Variants in THSD7A observed in about 807,000 individuals in gnomAD.
The protein encoded by THSD7A is thrombospondin type-1 domain-containing protein 7A.
In THSD7A, 96 loss-of-function variants were observed where a neutral mutation model predicts 231.3. That is an observed-to-expected ratio of 0.41 (90% CI 0.35 to 0.49). THSD7A has a LOEUF of 0.49. THSD7A is among the 20% of genes least tolerant of loss of function. THSD7A has a pLI of 0.05. For missense variants in THSD7A, 2,290 were observed against 2,070.2 expected, an observed-to-expected ratio of 1.11 and a Z score of -2.06; for synonymous variants, 940 against 743.3, an observed-to-expected ratio of 1.26 and a Z score of -4.30.
At chr7:11,723,475 TA>T (rs900465095) in intron 1 of THSD7A, among the ~76,000 whole-genome samples, 12 of 151,088 alleles carry the variant, frequency 7.9e-5, no homozygotes, top group South Asian at 2.1e-4. Flanking sequence ...TAAAGTATAA[TA>T]AAAAAAATAA....
intron 6 of THSD7A, among the ~76,000 whole-genome samples, chr7:11,505,297 G>C (rs1042783988): frequency 6.6e-6 from 1 of 151,866 alleles, no homozygotes; most frequent in Non-Finnish European, 1.5e-5. Context: ...GTTTTACAAG[G>C]GCTACTAACT....
At chr7:11,737,701 T>A (rs962798210) in intron 1 of THSD7A, among the ~76,000 whole-genome samples, 1 of 152,012 alleles carries the variant, frequency 6.6e-6, no homozygotes, top group African/African-American at 2.4e-5. Context: ...GGGCTATATA[T>A]TATAGTTTCA....
intron 1 of THSD7A, among the ~76,000 whole-genome samples, chr7:11,680,122 T>A (rs1391841275): frequency 6.6e-6 from 1 of 150,968 alleles, no homozygotes; most frequent in African/African-American, 2.4e-5. Flanking sequence ...ATTTAATAAA[T>A]GGTGTTGGGA....
chr7:11,811,453 T>A (rs1483377848), intron 1 of THSD7A, among the ~76,000 whole-genome samples: 1 of 152,146 alleles, frequency 6.6e-6, no homozygotes, highest in Admixed American at 6.5e-5. Flanking sequence ...CAAACATATA[T>A]ATGAATTCAA....
intron 1 of THSD7A, among the ~76,000 whole-genome samples, chr7:11,792,420 C>A (rs554177171): frequency 6.6e-6 from 1 of 152,068 alleles, no homozygotes; most frequent in South Asian, 2.1e-4. Flanking sequence ...TGACTCCTAA[C>A]GCCAAGCTCT....
intron 6 of THSD7A, among the ~76,000 whole-genome samples, chr7:11,508,141 C>A (rs1787635165): frequency 6.6e-6 from 1 of 152,140 alleles, no homozygotes; most frequent in African/African-American, 2.4e-5. Context: ...ATGATCCAAT[C>A]ACCTCCCACC....
At chr7:11,419,128 T>C (rs112432195) in intron 16 of THSD7A, among the ~76,000 whole-genome samples, 25 of 152,308 alleles carry the variant, frequency 1.6e-4, no homozygotes, top group African/African-American at 5.5e-4. Context: ...GAATTACCTA[T>C]TGACCAGAGT....
chr7:11,675,747 G>C (rs1272939966), intron 1 of THSD7A, among the ~76,000 whole-genome samples: 1 of 152,184 alleles, frequency 6.6e-6, no homozygotes, highest in African/African-American at 2.4e-5. Context: ...ATCTCTGAAA[G>C]GAAGGCAGCA....
intron 1 of THSD7A, among the ~76,000 whole-genome samples, chr7:11,829,850 AAC>A (rs1785143695): frequency 2.0e-5 from 3 of 152,020 alleles, no homozygotes; most frequent in African/African-American, 7.2e-5. Flanking sequence ...CAATTGAATG[AAC>A]TATTTTTTTT....
chr7:11,761,552 C>A (rs1487813145), intron 1 of THSD7A, among the ~76,000 whole-genome samples: 2 of 151,814 alleles, frequency 1.3e-5, no homozygotes, highest in Non-Finnish European at 1.5e-5. Context: ...GTGTATATAT[C>A]TACATGTATA....
chr7:11,761,909 C>T (rs904832462), intron 1 of THSD7A, among the ~76,000 whole-genome samples: 1 of 152,070 alleles, frequency 6.6e-6, no homozygotes, highest in Non-Finnish European at 1.5e-5. Context: ...TGCCTCCCTC[C>T]TTCCCCCCTT....
At chr7:11,461,354 T>C (rs1434386516) in intron 10 of THSD7A, among the ~76,000 whole-genome samples, 2 of 152,216 alleles carry the variant, frequency 1.3e-5, no homozygotes, top group East Asian at 3.8e-4. Context: ...CTTAAATATT[T>C]ATTTTGTGAT....
At chr7:11,660,406 G>C (rs1782885330) in intron 1 of THSD7A, among the ~76,000 whole-genome samples, 1 of 151,296 alleles carries the variant, frequency 6.6e-6, no homozygotes, top group South Asian at 2.1e-4. Flanking sequence ...GAATATCTAA[G>C]ATAAACATTA....
chr7:11,813,419 A>G (rs1303693796), intron 1 of THSD7A, among the ~76,000 whole-genome samples: 2 of 152,168 alleles, frequency 1.3e-5, no homozygotes, highest in Admixed American at 1.3e-4. Flanking sequence ...GCTGGGTTTA[A>G]AAAACATGGC....
intron 6 of THSD7A, among the ~76,000 whole-genome samples, chr7:11,513,585 C>G (rs1190201372): frequency 2.0e-5 from 3 of 151,986 alleles, no homozygotes; most frequent in Non-Finnish European, 2.9e-5. Flanking sequence ...TAGAAATACC[C>G]AGAACTGGTA....
At chr7:11,378,015 T>G (rs1782348231) in intron 26 of THSD7A, 1 of 152,066 alleles carries the variant, frequency 6.6e-6, no homozygotes, top group South Asian at 2.1e-4. Flanking sequence ...CTTTGCAAAA[T>G]AAATCATACT....
At position 11,417,532 on chromosome 7, in the gene THSD7A, G is replaced by A. The variant is rs753188771; in HGVS notation, c.3455C>T (p.Pro1152Leu). ...EDYLCDPEEM[P>L]LGSRVCKLPC... ...TAATTTGCACACTCTAGAGCCCAGG[G>A]GCATCTCTTCTGGGTCACAGAGGTA... is the stretch of plus-strand genomic sequence containing the variant. The change falls in exon 17 of 28, where the codon CCC becomes CTC. Residue 1152 changes from proline (P) to leucine (L), a missense_variant. Pro to Leu is a moderately conservative substitution (Grantham distance 98). Coordinates refer to ENST00000423059, the MANE Select transcript of THSD7A (RefSeq NM_015204.3). The A allele has an allele frequency of 1.2e-6, 2 of 1,613,688 alleles. No individual in the cohort carries two copies. The highest frequency in any genetic ancestry group is 1.1e-5 in the South Asian group (1 of 91,054).
chr7:11,675,425 C>T lies in THSD7A; in HGVS notation c.191-38464G>A, dbSNP rs950965240. ...TGCTAGCGAGACAGAACGGTTCACT[C>T]CCCTGGAAAGAGGGCTGAAGCCAGG... On this transcript the variant is annotated intron_variant, in intron 1 of 27. Transcript: ENST00000423059. Among the ~76,000 whole-genome samples, 9 of 152,216 alleles carry T rather than the reference C, an allele frequency of 5.9e-5. No individual in the cohort carries two copies. The South Asian group carries it at 1.2e-3, about 21-fold the overall frequency.
chr7:11,502,161 A>T (rs916009838), intron 6 of THSD7A, among the ~76,000 whole-genome samples: 85 of 152,290 alleles, frequency 5.6e-4, no homozygotes, highest in African/African-American at 1.8e-3. Context: ...AACAACAACA[A>T]AAAAGCCCAG....
Sources: gnomAD v4.1 joint callset for allele counts (sites outside exome capture counted in the v4.1 genomes callset) on GRCh38, gnomAD v4.1.1 for gene constraint, MANE v1.5 for transcripts, NCBI Gene and HGNC (gene_info 2026-07-23, HGNC 2026-07-21) for gene names.